SDK2: variants seen among roughly 807,000 people sequenced by gnomAD.
The protein encoded by SDK2 is protein sidekick-2.
Under a neutral mutation model 253.9 loss-of-function variants are expected in SDK2, and 105 were observed. The observed-to-expected ratio is 0.41, with a 90% CI of 0.35 to 0.49. The LOEUF is 0.49. SDK2 is among the 20% of genes least tolerant of loss of function. The pLI is 0.06. For synonymous variants in SDK2, 1,249 were observed against 1,234.9 expected (o/e 1.01, Z -0.24); for missense variants, 2,608 against 3,003.0 (o/e 0.87, Z 3.07).
chr17:73,589,164 T>C (rs1285924295), intron 1 of SDK2, among the ~76,000 whole-genome samples: 1 of 152,254 alleles, frequency 6.6e-6, no homozygotes, highest in East Asian at 1.9e-4. Flanking sequence ...TGCTCCTCCC[T>C]AAGCCAATTA....
intron 1 of SDK2, among the ~76,000 whole-genome samples, chr17:73,627,815 G>A (rs1242520794): frequency 6.6e-6 from 1 of 152,180 alleles, no homozygotes; most frequent in Non-Finnish European, 1.5e-5. Context: ...TTGGGAGGCC[G>A]AGATTGGGCG....
At chr17:73,547,894 A>G (rs973247450) in intron 1 of SDK2, among the ~76,000 whole-genome samples, 1 of 152,228 alleles carries the variant, frequency 6.6e-6, no homozygotes, top group Non-Finnish European at 1.5e-5. Flanking sequence ...CAGGCTTACT[A>G]GGAAGCATGG....
intron 1 of SDK2, among the ~76,000 whole-genome samples, chr17:73,559,410 G>A (rs1010471426): frequency 4.6e-5 from 7 of 152,180 alleles, no homozygotes; most frequent in Non-Finnish European, 8.8e-5. Context: ...TGGAATAGAC[G>A]ATATAACAAT....
At chr17:73,347,767 T>A (rs1331447086) in intron 44 of SDK2, among the ~76,000 whole-genome samples, 1 of 124,576 alleles carries the variant, frequency 8.0e-6, no homozygotes, top group Non-Finnish European at 1.8e-5. Context: ...ATGGTTGGAA[T>A]ACACACAGCC....
At chr17:73,603,606 G>C (rs1426045416) in intron 1 of SDK2, among the ~76,000 whole-genome samples, 2 of 152,228 alleles carry the variant, frequency 1.3e-5, no homozygotes, top group African/African-American at 4.8e-5. Flanking sequence ...CTATAAACAT[G>C]GCAGCAGCCA....
intron 1 of SDK2, among the ~76,000 whole-genome samples, chr17:73,556,341 G>A (rs1276147121): frequency 2.4e-5 from 3 of 127,184 alleles, no homozygotes; most frequent in Non-Finnish European, 5.0e-5. Context: ...TATTGTTGTT[G>A]TTGTTTAATA....
At position 73,643,366 on chromosome 17, in the gene SDK2, G is replaced by C. The variant is rs562605287; in HGVS notation, c.64+659C>G. Reference sequence around the variant, plus strand: ...TGGGTGTGGGTGGATGGGTAGGAGGGGAGGCCTCAGACCCTCCCTGTGCAC... The same window carrying C: ...TGGGTGTGGGTGGATGGGTAGGAGGCGAGGCCTCAGACCCTCCCTGTGCAC... On this transcript the variant is annotated intron_variant, in intron 1 of 44. Transcript: ENST00000392650. This position sits in a 1 kb window ranked among gnomAD's most constrained non-coding sequence, Gnocchi z 6.9. 6.6e-6 allele frequency among the ~76,000 whole-genome samples: 1 copy of C among 152,154 alleles called. No homozygotes were observed. The highest frequency in any genetic ancestry group is 2.4e-5 in the African/African-American group (1 of 41,448).
At chr17:73,601,849 T>G (rs2045846218) in intron 1 of SDK2, among the ~76,000 whole-genome samples, 2 of 152,130 alleles carry the variant, frequency 1.3e-5, no homozygotes, top group South Asian at 4.1e-4. Context: ...GTTCAAGTGA[T>G]TCTCCTGCCT....
At chr17:73,608,211 TGGTCG>T (rs989390391) in intron 1 of SDK2, among the ~76,000 whole-genome samples, 2 of 152,128 alleles carry the variant, frequency 1.3e-5, no homozygotes, top group African/African-American at 4.8e-5. Flanking sequence ...TGAGGGGTGC[TGGTCG>T]GGTCCTTTGT....
At chr17:73,419,065 A>G in intron 16 of SDK2, 101 bp downstream of exon 16, 1 of 1,343,716 alleles carries the variant, frequency 7.4e-7, no homozygotes. Context: ...TAGATGGCGA[A>G]GGGCCTGCCA....
chr17:73,640,276 C>T (rs562272058), intron 1 of SDK2, among the ~76,000 whole-genome samples: 1 of 100,184 alleles, frequency 1.0e-5, no homozygotes, highest in African/African-American at 4.0e-5. Flanking sequence ...GTGGGGGGGT[C>T]GAGGGTGGGA....
intron 44 of SDK2, among the ~76,000 whole-genome samples, chr17:73,339,223 G>T (rs9896381): frequency 0.075 from 8,240 of 109,600 alleles, 478 homozygotes; most frequent in Non-Finnish European, 0.1. Context: ...GTTTTTTTTT[G>T]TTTTTGTTTT....
At chr17:73,608,162 T>G (rs2045930304) in intron 1 of SDK2, among the ~76,000 whole-genome samples, 2 of 152,104 alleles carry the variant, frequency 1.3e-5, no homozygotes, top group African/African-American at 2.4e-5. Flanking sequence ...CTGTGACAGT[T>G]TCTCAGATGT....
chr17:73,570,498 C>G lies in SDK2; in HGVS notation c.65-62901G>C, dbSNP rs770323968. Among the ~76,000 whole-genome samples the G allele has an allele frequency of 1.3e-5, 2 of 152,096 alleles. No homozygotes were observed. Among genetic ancestry groups the G allele is most frequent in the African/African-American group, 4.8e-5 (2 of 41,418 alleles). ...GCCCAAAAATCAAAAAGAGGGGGAC[C>G]CACCCAGCACCCCTCTTGTGATGAT... On this transcript the variant is annotated intron_variant, in intron 1 of 44. Transcript: ENST00000392650. This position sits in a 1 kb window ranked among gnomAD's most constrained non-coding sequence, Gnocchi z 4.2.
chr17:73,463,724 TG>T (rs1203616228), intron 3 of SDK2, among the ~76,000 whole-genome samples: 3 of 152,166 alleles, frequency 2.0e-5, no homozygotes, highest in African/African-American at 4.8e-5. Context: ...AACATTTTTT[TG>T]GGGGGGCTCC....
At chr17:73,498,413 G>A (rs2063860591) in intron 2 of SDK2, among the ~76,000 whole-genome samples, 1 of 152,216 alleles carries the variant, frequency 6.6e-6, no homozygotes, top group Non-Finnish European at 1.5e-5. Flanking sequence ...TAGCTCCAGT[G>A]AGAACAAACA....
intron 10 of SDK2, among the ~76,000 whole-genome samples, chr17:73,432,804 A>G (rs1599561027): frequency 1.3e-5 from 2 of 150,996 alleles, no homozygotes; most frequent in East Asian, 2.2e-4. Flanking sequence ...GTGTGTGCAT[A>G]TGTGTGCACA....
intron 1 of SDK2, among the ~76,000 whole-genome samples, chr17:73,595,170 G>A (rs1481323002): frequency 1.3e-5 from 2 of 152,120 alleles, no homozygotes; most frequent in Non-Finnish European, 1.5e-5. Flanking sequence ...CACAGAAGGG[G>A]TGTCAGTGAG....
rs1203373362 is a variant in SDK2 at position 73,472,352 on chromosome 17, C to T, written c.225-134G>A. On this transcript the variant is annotated intron_variant, in intron 2 of 44. Coordinates refer to ENST00000392650, the MANE Select transcript of SDK2 (RefSeq NM_001144952.2). ...AGAGTACCAGGGAACTCTTGACTCT[C>T]TAGCCATGTCATAGGATCACACAAA... 4.6e-5 allele frequency: 29 copies of T among 630,190 alleles called. No individual in the cohort carries two copies. In the South Asian group the frequency reaches 5.4e-4, roughly 12 times the overall value. The allele number at this position is 630,190 out of a possible 1,614,324, so 39.0% of individuals were successfully genotyped here. A position where few individuals can be genotyped will look rare whatever the true frequency, so the allele number is the denominator to read the frequency against.
Sources: allele counts gnomAD v4.1 joint callset (sites outside exome capture counted in the v4.1 genomes callset), GRCh38; gene constraint gnomAD v4.1.1; non-coding constraint Gnocchi (gnomAD v3.1); transcripts MANE v1.5; gene names NCBI Gene and HGNC (gene_info 2026-07-23, HGNC 2026-07-21).